The following SEMA4D variants were observed in gnomAD, a reference collection of about 807,000 sequenced individuals.
The protein encoded by SEMA4D is semaphorin 4D, also known as semaphorin-4D.
Under a neutral mutation model 74.8 loss-of-function variants are expected in SEMA4D, and 22 were observed. That is an observed-to-expected ratio of 0.29 (90% CI 0.21 to 0.42). SEMA4D has a LOEUF of 0.42. Among genes scored for constraint, SEMA4D ranks in the 10% least tolerant of loss-of-function variants. SEMA4D has a pLI of 1.00. For missense variants in SEMA4D, 937 were observed against 1,118.4 expected, an observed-to-expected ratio of 0.84 and a Z score of 2.31; for synonymous variants, 445 against 463.7, an observed-to-expected ratio of 0.96 and a Z score of 0.52.
At chr9:89,478,787 A>C (rs1331407373) in intron 1 of SEMA4D, among the ~76,000 whole-genome samples, 1 of 42,358 alleles carries the variant, frequency 2.4e-5, no homozygotes. Flanking sequence ...CCCCACCCCA[A>C]GGCCCTTCCT....
At chr9:89,454,241 A>G (rs1239809652) in intron 2 of SEMA4D, among the ~76,000 whole-genome samples, 1 of 152,126 alleles carries the variant, frequency 6.6e-6, no homozygotes, top group Non-Finnish European at 1.5e-5. Context: ...CGGCTTTCTA[A>G]AGGGGATGCA....
At chr9:89,386,141 G>A (rs1195409229) in intron 13 of SEMA4D, 63 of 928,252 alleles carry the variant, frequency 6.8e-5, no homozygotes, top group East Asian at 1.2e-4. Flanking sequence ...CAGCAACTTC[G>A]AAGAGAAAGT....
intron 1 of SEMA4D, among the ~76,000 whole-genome samples, chr9:89,463,917 G>C (rs998415640): frequency 2.7e-5 from 4 of 146,414 alleles, no homozygotes; most frequent in African/African-American, 7.7e-5. Context: ...CTGGGTGACA[G>C]AGCAAGACTC....
intron 2 of SEMA4D, among the ~76,000 whole-genome samples, chr9:89,420,605 C>T: frequency 6.6e-6 from 1 of 152,238 alleles, no homozygotes. Context: ...GCAGCGCCTT[C>T]ATCTGGCCTC....
chr9:89,429,005 G>C (rs796344687), intron 2 of SEMA4D, among the ~76,000 whole-genome samples: 4 of 152,306 alleles, frequency 2.6e-5, no homozygotes, highest in African/African-American at 9.6e-5. Flanking sequence ...CCCTGTGGGG[G>C]GGGTCTCCCC....
chr9:89,382,803 T>C (rs1837445781), intron 13 of SEMA4D, among the ~76,000 whole-genome samples: 1 of 152,088 alleles, frequency 6.6e-6, no homozygotes, highest in Non-Finnish European at 1.5e-5. Context: ...GTGAACACCA[T>C]GCAGTGCAGA....
At chr9:89,397,772 G>C (rs1841317739) in intron 5 of SEMA4D, among the ~76,000 whole-genome samples, 2 of 152,214 alleles carry the variant, frequency 1.3e-5, no homozygotes, top group Admixed American at 1.3e-4. Flanking sequence ...TGCTAAGAAA[G>C]TTTAGCATAG....
At chr9:89,461,698 C>CTTTTTTTT (rs1564875900) in intron 1 of SEMA4D, among the ~76,000 whole-genome samples, 4 of 67,980 alleles carry the variant, frequency 5.9e-5, no homozygotes, top group East Asian at 6.7e-4. Flanking sequence ...TTTCTTTTTT[C>CTTTTTTTT]TCTTTTTTTT....
intron 4 of SEMA4D, among the ~76,000 whole-genome samples, chr9:89,400,928 G>A (rs545717566): frequency 3.3e-5 from 5 of 152,358 alleles, no homozygotes; most frequent in East Asian, 1.9e-4. Context: ...CCCCAAGACC[G>A]AGTGTGAGCC....
chr9:89,387,512 C>T lies in SEMA4D; in HGVS notation c.1204G>A (p.Asp402Asn). The change falls in exon 12 of 16, where the codon GAC becomes AAC. Residue 402 changes from aspartate (D) to asparagine (N), a missense_variant. Physicochemically the swap from Asp to Asn is conservative, Grantham distance 23. Transcript: ENST00000422704. ...CTGTTGTCTATTGGGGTTACCGAGT[C>T]ATCCATCAAAGGGTGGTCTTTAACG... ...QFVKDHPLMD[D>N]SVTPIDNRPR... 1 of 1,614,232 alleles carries T rather than the reference C, an allele frequency of 6.2e-7. No homozygotes were observed. Among genetic ancestry groups the T allele is most frequent in the Non-Finnish European group, 8.5e-7 (1 of 1,180,038 alleles).
intron 1 of SEMA4D, among the ~76,000 whole-genome samples, chr9:89,474,797 C>A (rs978313110): frequency 1.3e-5 from 2 of 152,236 alleles, no homozygotes; most frequent in African/African-American, 2.4e-5. Context: ...CCTGGCCAAG[C>A]CTTTCCGTAG....
chr9:89,437,229 A>G (rs532958985), intron 2 of SEMA4D, among the ~76,000 whole-genome samples: 255 of 152,284 alleles, frequency 1.7e-3, no homozygotes, highest in African/African-American at 5.8e-3. Context: ...CCTAGTGGGC[A>G]TTGCACAGTG....
intron 16 of SEMA4D, among the ~76,000 whole-genome samples, chr9:89,369,818 C>T (rs1216187576): frequency 1.3e-5 from 2 of 152,196 alleles, no homozygotes; most frequent in Admixed American, 6.5e-5. Flanking sequence ...TGCCACGGGG[C>T]TGCATCCCAA....
chr9:89,482,631 A>G (rs1331292129), intron 1 of SEMA4D, among the ~76,000 whole-genome samples: 2 of 152,168 alleles, frequency 1.3e-5, no homozygotes, highest in East Asian at 3.9e-4. Context: ...ATTCATGAAT[A>G]AGGCTGTGCT....
chr9:89,460,736 C>T (rs1224465283), intron 1 of SEMA4D, among the ~76,000 whole-genome samples: 2 of 152,232 alleles, frequency 1.3e-5, no homozygotes, highest in Admixed American at 6.5e-5. Context: ...TGAAGGTGAA[C>T]CACACCCCTC....
intron 1 of SEMA4D, among the ~76,000 whole-genome samples, chr9:89,456,894 A>AT (rs1856072219): frequency 6.6e-6 from 1 of 152,026 alleles, no homozygotes; most frequent in Non-Finnish European, 1.5e-5. Flanking sequence ...GCTGGGAGGG[A>AT]TTTTTTTAAA....
chr9:89,496,025 G>A lies in SEMA4D; in HGVS notation c.-310+1894C>T, dbSNP rs190591611. On this transcript the variant is annotated intron_variant, in intron 1 of 15. Transcript: ENST00000422704. ...CACACCCGCTTGGTGTGGGGAAAGC[G>A]GCTCTAGGTAACATCTGCCTCCAGC... Among the ~76,000 whole-genome samples, 8 of 152,292 alleles carry A rather than the reference G, an allele frequency of 5.3e-5. No homozygotes were observed. The East Asian group carries it at 5.8e-4, about 11-fold the overall frequency.
chr9:89,473,566 A>C (rs1860982539), intron 1 of SEMA4D, among the ~76,000 whole-genome samples: 5 of 152,300 alleles, frequency 3.3e-5, no homozygotes, highest in Middle Eastern at 3.4e-3. Flanking sequence ...ACCCTGTCTC[A>C]AAAACAACGG....
At chr9:89,491,197 C>T (rs1170816668) in intron 1 of SEMA4D, among the ~76,000 whole-genome samples, 2 of 152,226 alleles carry the variant, frequency 1.3e-5, no homozygotes, top group South Asian at 2.1e-4. Context: ...ACTTTCTCCC[C>T]ATGGGCCTGT....
Sources: allele counts gnomAD v4.1 joint callset (sites outside exome capture counted in the v4.1 genomes callset), GRCh38; gene constraint gnomAD v4.1.1; transcripts MANE v1.5; gene names NCBI Gene and HGNC (gene_info 2026-07-23, HGNC 2026-07-21).